CACNA2D1: variants seen among roughly 807,000 people sequenced by gnomAD.
CACNA2D1 encodes the protein calcium voltage-gated channel auxiliary subunit alpha2delta 1, also known as voltage-dependent calcium channel subunit alpha-2/delta-1.
In CACNA2D1, 53 loss-of-function variants were observed where a neutral mutation model predicts 171.5. The observed-to-expected ratio is 0.31, with a 90% CI of 0.25 to 0.39. The LOEUF is 0.39. Ranked by LOEUF, CACNA2D1 falls within the 10% of genes least tolerant of loss-of-function variation. The pLI, the probability that CACNA2D1 is intolerant of heterozygous loss-of-function variation, is 1.00. For missense variants in CACNA2D1, 903 were observed against 1,299.8 expected (o/e 0.69, Z 4.69); for synonymous variants, 442 against 443.1 (o/e 1.00, Z 0.03).
chr7:82,158,232 G>A (rs1004978225), intron 4 of CACNA2D1, among the ~76,000 whole-genome samples: 1 of 151,744 alleles, frequency 6.6e-6, no homozygotes, highest in African/African-American at 2.4e-5. Context: ...CATAAAGCAA[G>A]AATACAATTT....
intron 21 of CACNA2D1, among the ~76,000 whole-genome samples, chr7:81,985,143 T>G (rs1044300696): frequency 3.9e-5 from 6 of 151,986 alleles, no homozygotes; most frequent in African/African-American, 1.2e-4. Context: ...TAAAGTGCTT[T>G]GTATAAAATG....
intron 4 of CACNA2D1, among the ~76,000 whole-genome samples, chr7:82,161,750 A>G (rs1460180808): frequency 2.0e-5 from 3 of 152,098 alleles, no homozygotes; most frequent in African/African-American, 7.2e-5. Context: ...AAATGAAAAC[A>G]GCAAGCATGT....
chr7:82,035,142 CTG>C (rs1386549682), intron 11 of CACNA2D1, among the ~76,000 whole-genome samples: 1 of 151,964 alleles, frequency 6.6e-6, no homozygotes. Context: ...TGCTGTATTT[CTG>C]TGTGCCAGTA....
chr7:82,038,504 T>A (rs1337527313), intron 10 of CACNA2D1, among the ~76,000 whole-genome samples: 2 of 152,148 alleles, frequency 1.3e-5, no homozygotes, highest in African/African-American at 4.8e-5. Flanking sequence ...TTATATGACA[T>A]CCCTTCTAGT....
intron 6 of CACNA2D1, among the ~76,000 whole-genome samples, chr7:82,105,127 T>C (rs1270911790): frequency 6.6e-6 from 1 of 152,060 alleles, no homozygotes; most frequent in East Asian, 1.9e-4. Flanking sequence ...ACTAAAAAAC[T>C]GTTACTGAAG....
intron 4 of CACNA2D1, among the ~76,000 whole-genome samples, chr7:82,163,401 G>A (rs574174112): frequency 6.6e-6 from 1 of 152,018 alleles, no homozygotes; most frequent in South Asian, 2.1e-4. Context: ...AAGTTATCAG[G>A]AATGTCTTTT....
intron 21 of CACNA2D1, among the ~76,000 whole-genome samples, chr7:81,990,952 T>C (rs1291369474): frequency 6.6e-6 from 1 of 152,202 alleles, no homozygotes; most frequent in African/African-American, 2.4e-5. Flanking sequence ...TGTCAACATT[T>C]CTCATGTAAA....
At chr7:82,088,656 C>T (rs1380032619) in intron 6 of CACNA2D1, among the ~76,000 whole-genome samples, 2 of 151,828 alleles carry the variant, frequency 1.3e-5, no homozygotes, top group Admixed American at 6.6e-5. Flanking sequence ...TACGAAAAAA[C>T]TTAAAATATT....
intron 20 of CACNA2D1, among the ~76,000 whole-genome samples, chr7:81,992,281 C>T (rs928387341): frequency 1.3e-5 from 2 of 152,098 alleles, no homozygotes; most frequent in Non-Finnish European, 2.9e-5. Context: ...TTAGTCCAAC[C>T]ACTGGAGTAT....
At chr7:82,350,011 T>C (rs958317089) in intron 1 of CACNA2D1, among the ~76,000 whole-genome samples, 13 of 152,200 alleles carry the variant, frequency 8.5e-5, no homozygotes, top group African/African-American at 2.9e-4. Context: ...CTGAATATAA[T>C]AGTAAGATCA....
At chr7:82,122,353 C>T (rs1296333267) in intron 5 of CACNA2D1, among the ~76,000 whole-genome samples, 1 of 152,148 alleles carries the variant, frequency 6.6e-6, no homozygotes, top group Non-Finnish European at 1.5e-5. Context: ...TATAATGATG[C>T]ATTCAAAAGA....
intron 1 of CACNA2D1, among the ~76,000 whole-genome samples, chr7:82,370,497 TAAAC>T (rs150112629): frequency 0.038 from 5,721 of 151,934 alleles, 154 homozygotes; most frequent in Middle Eastern, 0.075. Flanking sequence ...ACAAATCAGA[TAAAC>T]AAAATTTTTT....
In CACNA2D1 at chr7:82,296,122, G is replaced by GT. The variant is rs1554500847; in HGVS notation, c.294+39012_294+39013insA. ...TGGGGACTGTTGCGGGGTGGGGGAA[G>GT]GGGGGAGGGATAGCATTAGGAGATA... On this transcript the variant is annotated intron_variant, in intron 3 of 38. Transcript: ENST00000356860. 2.8e-5 allele frequency among the ~76,000 whole-genome samples: 4 copies of GT among 145,276 alleles called. No homozygotes were observed. In the East Asian group the frequency reaches 1.3e-3, roughly 48 times the overall value.
At chr7:82,142,735 T>C (rs186469499) in intron 4 of CACNA2D1, among the ~76,000 whole-genome samples, 34 of 152,266 alleles carry the variant, frequency 2.2e-4, no homozygotes, top group African/African-American at 7.9e-4. Context: ...TTACAAAATA[T>C]TGCAATCTTA....
At chr7:82,006,814 T>G (rs1264371586) in intron 16 of CACNA2D1, among the ~76,000 whole-genome samples, 1 of 152,106 alleles carries the variant, frequency 6.6e-6, no homozygotes, top group Non-Finnish European at 1.5e-5. Flanking sequence ...ATAACTGTTT[T>G]CTATGGCCAC....
intron 12 of CACNA2D1, chr7:82,028,874 A>C (rs764286758): frequency 6.6e-6 from 1 of 152,560 alleles, no homozygotes; most frequent in Non-Finnish European, 1.5e-5. Context: ...CTTGAGATGG[A>C]ATCTACTCCT....
intron 7 of CACNA2D1, 109 bp from the exon 8 acceptor site, chr7:82,066,633 G>T: frequency 7.0e-7 from 1 of 1,419,098 alleles, no homozygotes. Context: ...TTTCACTTAC[G>T]TACTTCAATG....
chr7:82,340,197 A>G (rs574943998), intron 2 of CACNA2D1, among the ~76,000 whole-genome samples: 1 of 152,354 alleles, frequency 6.6e-6, no homozygotes, highest in Non-Finnish European at 1.5e-5. Flanking sequence ...AAGAGCTCCC[A>G]GCAGAGTCAA....
chr7:82,368,146 C>T (rs1268328334), intron 1 of CACNA2D1, among the ~76,000 whole-genome samples: 2 of 152,192 alleles, frequency 1.3e-5, no homozygotes, highest in Admixed American at 1.3e-4. Context: ...TGCCAGTTTG[C>T]TCAGCTACCT....
Sources: gnomAD v4.1 joint callset for allele counts (sites outside exome capture counted in the v4.1 genomes callset) on GRCh38, gnomAD v4.1.1 for gene constraint, MANE v1.5 for transcripts, NCBI Gene and HGNC (gene_info 2026-07-23, HGNC 2026-07-21) for gene names.